The following MRTFB variants were observed in gnomAD, a reference collection of about 807,000 sequenced individuals.
MRTFB encodes myocardin related transcription factor B.
A neutral mutation model predicts 104.2 loss-of-function variants in MRTFB; 29 were observed. The observed-to-expected ratio is 0.28, with a 90% CI of 0.21 to 0.38. The LOEUF is 0.38. Among genes scored for constraint, MRTFB ranks in the 10% least tolerant of loss-of-function variants. The pLI, the probability that MRTFB is intolerant of heterozygous loss-of-function variation, is 1.00. For synonymous variants in MRTFB, 535 were observed against 519.5 expected (o/e 1.03, Z -0.41); for missense variants, 1,270 against 1,341.6 (o/e 0.95, Z 0.83).
At chr16:14,260,791 A>G in intron 16 of MRTFB, 118 bp from the exon 17 acceptor site, 1 of 818,416 alleles carries the variant, frequency 1.2e-6, no homozygotes, top group Non-Finnish European at 1.9e-6. Flanking sequence ...TCCTACTTCT[A>G]AGACGGACGT....
At chr16:14,145,081 G>A (rs968699619) in intron 3 of MRTFB, among the ~76,000 whole-genome samples, 1 of 150,322 alleles carries the variant, frequency 6.7e-6, no homozygotes, top group Non-Finnish European at 1.5e-5. Context: ...TGACAGTTAT[G>A]TGAGCAGAGT....
At chr16:14,160,378 C>T (rs2038985682) in intron 3 of MRTFB, among the ~76,000 whole-genome samples, 1 of 152,126 alleles carries the variant, frequency 6.6e-6, no homozygotes, top group African/African-American at 2.4e-5. Flanking sequence ...GTGATGGATC[C>T]TCATGGAATC....
chr16:14,115,482 T>G (rs907778011), intron 2 of MRTFB, among the ~76,000 whole-genome samples: 3 of 152,210 alleles, frequency 2.0e-5, no homozygotes, highest in African/African-American at 7.2e-5. Flanking sequence ...TTTGCCCCAA[T>G]TAATGTAGTT....
At chr16:14,245,157 G>A (rs953965491) in intron 10 of MRTFB, among the ~76,000 whole-genome samples, 7 of 152,100 alleles carry the variant, frequency 4.6e-5, no homozygotes, top group Non-Finnish European at 7.4e-5. Flanking sequence ...TTCTGGATTT[G>A]CTGGGGCTCT....
the MRTFB span, among the ~76,000 whole-genome samples, chr16:14,065,309 G>A: frequency 0.024 from 3,643 of 152,228 alleles, 155 homozygotes; most frequent in African/African-American, 0.083. Context: ...CATTGATTTT[G>A]TATCCAGAAA....
intron 3 of MRTFB, among the ~76,000 whole-genome samples, chr16:14,175,798 G>A (rs1006536529): frequency 2.0e-5 from 3 of 152,110 alleles, no homozygotes; most frequent in Admixed American, 6.6e-5. Flanking sequence ...ACCAACCACC[G>A]ATGAGGTGCA....
intron 2 of MRTFB, among the ~76,000 whole-genome samples, chr16:14,128,312 C>A (rs1393548675): frequency 6.6e-6 from 1 of 152,116 alleles, no homozygotes; most frequent in African/African-American, 2.4e-5. Flanking sequence ...CAAAAGGTCA[C>A]CTCTTAGGTT....
intron 3 of MRTFB, among the ~76,000 whole-genome samples, chr16:14,150,515 A>G (rs764483932): frequency 1.3e-5 from 2 of 152,160 alleles, no homozygotes; most frequent in African/African-American, 2.4e-5. Context: ...CTGTATTCTT[A>G]CAATAAAGTA....
At chr16:14,060,356 C>T in the MRTFB span, among the ~76,000 whole-genome samples, 16 of 152,138 alleles carry the variant, frequency 1.1e-4, no homozygotes, top group African/African-American at 3.9e-4. Context: ...CCTATGCACC[C>T]AGTCTTGGGT....
At chr16:14,194,079 T>C (rs2040319460) in intron 3 of MRTFB, among the ~76,000 whole-genome samples, 1 of 152,214 alleles carries the variant, frequency 6.6e-6, no homozygotes, top group African/African-American at 2.4e-5. Flanking sequence ...GTTTGAAACA[T>C]TGGGTTTTCC....
intron 3 of MRTFB, among the ~76,000 whole-genome samples, chr16:14,165,958 T>G (rs9941008): frequency 0.11 from 17,385 of 152,230 alleles, 2,288 homozygotes; most frequent in African/African-American, 0.32. Flanking sequence ...GTATAGCATT[T>G]GTGCAGTGAG....
At chr16:14,161,705 C>G (rs1229688931) in intron 3 of MRTFB, among the ~76,000 whole-genome samples, 1 of 152,118 alleles carries the variant, frequency 6.6e-6, no homozygotes, top group Non-Finnish European at 1.5e-5. Context: ...GAAGACTCTT[C>G]TTTAGCATAT....
At chr16:14,107,144 C>T (rs1434135258) in intron 2 of MRTFB, among the ~76,000 whole-genome samples, 3 of 152,204 alleles carry the variant, frequency 2.0e-5, no homozygotes, top group African/African-American at 7.2e-5. Flanking sequence ...GCTGAAGCAG[C>T]AGAATCACTT....
chr16:14,131,998 C>G (rs531191124), intron 2 of MRTFB, among the ~76,000 whole-genome samples: 12 of 152,204 alleles, frequency 7.9e-5, no homozygotes, highest in Non-Finnish European at 1.2e-4. Flanking sequence ...TAGCAACATT[C>G]GTAGTAGCCA....
chr16:14,188,896 C>G lies in MRTFB; in HGVS notation c.155-21347C>G, dbSNP rs943933446. On this transcript the variant is annotated intron_variant, in intron 3 of 16. Coordinates refer to ENST00000571589, the MANE Select transcript of MRTFB (RefSeq NM_001308142.2). ...TTTACAAAATAGAAGTGTTATATAT[C>G]TTATTGTTTTGTTAAATTCGTTGAT... is the stretch of plus-strand genomic sequence containing the variant. Among the ~76,000 whole-genome samples, 15 of 152,008 alleles carry G rather than the reference C, an allele frequency of 9.9e-5. 1 individual carries two copies. The highest frequency in any genetic ancestry group is 9.8e-4 in the Admixed American group (15 of 15,276).
At chr16:14,130,917 C>T (rs1409080586) in intron 2 of MRTFB, among the ~76,000 whole-genome samples, 3 of 152,120 alleles carry the variant, frequency 2.0e-5, no homozygotes, top group Non-Finnish European at 4.4e-5. Flanking sequence ...CTAACTATCA[C>T]AAGAACGGCA....
intron 2 of MRTFB, among the ~76,000 whole-genome samples, chr16:14,107,428 C>T (rs2036039479): frequency 6.6e-6 from 1 of 152,152 alleles, no homozygotes; most frequent in African/African-American, 2.4e-5. Context: ...AGTAGCCAAC[C>T]ACACATCTGT....
intron 2 of MRTFB, among the ~76,000 whole-genome samples, chr16:14,127,927 ATATTTTTTTTTTTT>A (rs1174162887): frequency 2.6e-5 from 1 of 38,800 alleles, no homozygotes; most frequent in African/African-American, 3.2e-4. Context: ...ATATATATAT[ATATTTTTTTTTTTT>A]TTTTTTTTTT....
Position 14,156,903 on chromosome 16 carries a change from AATAG to A in MRTFB, c.154+16146_154+16149del, listed in dbSNP as rs1567396567. Among the ~76,000 whole-genome samples the A allele has an allele frequency of 2.0e-5, 3 of 152,286 alleles. No individual in the cohort carries two copies. The South Asian group carries it at 6.2e-4, about 32-fold the overall frequency. On this transcript the variant is annotated intron_variant, in intron 3 of 16. Coordinates refer to ENST00000571589, the MANE Select transcript of MRTFB (RefSeq NM_001308142.2). The stretch of plus-strand genomic sequence containing the variant: ...TATAGTAAGAAAAAAAGCAAGGAAT[AATAG>A]ATCTATCACGGGTGCAGCTAACCAT...
Sources: allele counts gnomAD v4.1 joint callset (sites outside exome capture counted in the v4.1 genomes callset), GRCh38; gene constraint gnomAD v4.1.1; transcripts MANE v1.5; gene names NCBI Gene and HGNC (gene_info 2026-07-23, HGNC 2026-07-21).